Variants in TOMM70 observed in about 807,000 individuals in gnomAD.
TOMM70 encodes translocase of outer mitochondrial membrane 70, also known as mitochondrial import receptor subunit TOM70.
TOMM70 carries 13 observed loss-of-function variants against 73.6 expected under a neutral mutation model. That is an observed-to-expected ratio of 0.18 (90% CI 0.11 to 0.28). The LOEUF is 0.28. TOMM70 is among the 10% of genes least tolerant of loss of function. The pLI is 1.00. For synonymous variants in TOMM70, 257 were observed against 271.2 expected, an observed-to-expected ratio of 0.95 and a Z score of 0.51; for missense variants, 609 against 747.5, an observed-to-expected ratio of 0.81 and a Z score of 2.16.
chr3:100,373,890 T>C (rs1706536084), intron 7 of TOMM70, among the ~76,000 whole-genome samples: 1 of 152,198 alleles, frequency 6.6e-6, no homozygotes, highest in Admixed American at 6.5e-5. Context: ...GCAATTCTGA[T>C]CACTATTAAG....
chr3:100,385,892 A>G (rs1322319233), intron 3 of TOMM70, among the ~76,000 whole-genome samples: 4 of 152,200 alleles, frequency 2.6e-5, no homozygotes, highest in African/African-American at 9.6e-5. Flanking sequence ...AATATGTAGA[A>G]CCTTAGAAAC....
At chr3:100,368,018 A>G (rs1706465434) in intron 11 of TOMM70, 26 bp downstream of exon 11, 2 of 1,606,484 alleles carry the variant, frequency 1.2e-6, no homozygotes, top group Non-Finnish European at 8.5e-7. Context: ...GCTACCATAT[A>G]TTTCCTAACA....
intron 1 of TOMM70, among the ~76,000 whole-genome samples, chr3:100,397,509 G>A (rs991012429): frequency 2.6e-5 from 4 of 152,054 alleles, no homozygotes; most frequent in Non-Finnish European, 5.9e-5. Context: ...TTTTATTTGG[G>A]GCCAAAAATA....
intron 9 of TOMM70, among the ~76,000 whole-genome samples, chr3:100,370,318 T>A (rs1281470724): frequency 6.6e-6 from 1 of 152,210 alleles, no homozygotes; most frequent in Non-Finnish European, 1.5e-5. Context: ...CAGTGCTGTA[T>A]CTTGCTTTGT....
At chr3:100,387,028 C>G in intron 1 of TOMM70, 50 bp from the exon 2 acceptor site, 3 of 1,564,758 alleles carry the variant, frequency 1.9e-6, no homozygotes. Context: ...TTCACAGACT[C>G]AGACCACAGT....
Position 100,400,881 on chromosome 3 carries a change from C to G in TOMM70, c.69G>C (p.Val23=). ...CCGGGCCCGCAGTCCCGCCGCCGCC[C>G]ACCCCACTCCCGGAGCTCGGTACAG... is the stretch of plus-strand genomic sequence containing the variant. The part of the protein sequence containing the change: ...AAAVPSSGSG[V]GGGGTAGPGT... Residue 23 remains valine, a synonymous_variant, in exon 1 of 12, where the codon GTG becomes GTC. Coordinates refer to ENST00000284320, the MANE Select transcript of TOMM70 (RefSeq NM_014820.5). 6.5e-7 allele frequency: 1 copy of G among 1,529,444 alleles called. No homozygotes were observed. The highest frequency in any genetic ancestry group is 8.7e-7 in the Non-Finnish European group (1 of 1,145,028). 94.7% of individuals were successfully genotyped at this position (1,529,444 alleles called of 1,614,324 possible).
chr3:100,369,141 TGA>T lies in TOMM70; in HGVS notation c.1453-8_1453-7del, dbSNP rs1230448415. The T allele has an allele frequency of 1.9e-6, 3 of 1,594,848 alleles. No individual in the cohort carries two copies. Among genetic ancestry groups the T allele is most frequent in the African/African-American group, 1.3e-5 (1 of 74,612 alleles). ...TGTTGTTGATCTGTTAATGCCTATG[TGA>T]GGAGATACTTCAGTTATATTAAGGT... On this transcript the variant is annotated splice_region_variant and splice_polypyrimidine_tract_variant and intron_variant, in intron 9 of 11. Coordinates refer to ENST00000284320, the MANE Select transcript of TOMM70 (RefSeq NM_014820.5).
chr3:100,388,798 T>C (rs1474637943), intron 1 of TOMM70, among the ~76,000 whole-genome samples: 1 of 152,108 alleles, frequency 6.6e-6, no homozygotes, highest in African/African-American at 2.4e-5. Context: ...AGAGCACTAA[T>C]TAGAAATCTT....
chr3:100,395,422 G>C (rs1706814711), intron 1 of TOMM70, among the ~76,000 whole-genome samples: 2 of 151,184 alleles, frequency 1.3e-5, no homozygotes, highest in Admixed American at 6.6e-5. Context: ...ACCAGGCATG[G>C]TGGCGAGCTA....
At chr3:100,390,669 A>G (rs996515392) in intron 1 of TOMM70, among the ~76,000 whole-genome samples, 3 of 152,160 alleles carry the variant, frequency 2.0e-5, no homozygotes, top group Non-Finnish European at 4.4e-5. Flanking sequence ...TCCACTAAAA[A>G]TACAAAACAA....
intron 3 of TOMM70, among the ~76,000 whole-genome samples, chr3:100,384,798 G>A (rs1706671894): frequency 6.6e-6 from 1 of 152,060 alleles, no homozygotes; most frequent in East Asian, 1.9e-4. Context: ...CTTCTCTGGG[G>A]TTTGCTTTCC....
At chr3:100,376,866 T>C (rs113253915) in intron 6 of TOMM70, among the ~76,000 whole-genome samples, 1 of 152,150 alleles carries the variant, frequency 6.6e-6, no homozygotes, top group East Asian at 1.9e-4. Context: ...AATAATAACA[T>C]CCTCCACAAT....
In TOMM70 at chr3:100,400,660, C is replaced by A. The variant is rs138698299; in HGVS notation, c.290G>T (p.Gly97Val). Reference protein sequence around the residue: ...EGRASPAPGSGHPEGPGAHLD... With the variant: ...EGRASPAPGSVHPEGPGAHLD... ...GTGAGCACCGGGACCTTCAGGGTGT[C>A]CGCTGCCCGGGGCCGGACTGGCCCT... Residue 97 changes from glycine (G) to valine (V), a missense_variant, in exon 1 of 12, where the codon GGA becomes GTA. Physicochemically the swap from Gly to Val is moderately radical, Grantham distance 109 (BLOSUM62 -3). Coordinates refer to ENST00000284320, the MANE Select transcript of TOMM70 (RefSeq NM_014820.5). 609 of 1,612,438 alleles carry A rather than the reference C, an allele frequency of 3.8e-4. No individual in the cohort carries two copies. The highest frequency in any genetic ancestry group is 9.9e-4 in the Middle Eastern group (6 of 6,042).
Position 100,391,505 on chromosome 3 carries a change from TA to T in TOMM70, c.325-4528del, listed in dbSNP as rs869116056. Among the ~76,000 whole-genome samples the T allele has an allele frequency of 4.3e-3, 645 of 151,748 alleles. 3 individuals carry two copies. The highest frequency in any genetic ancestry group is 7.9e-3 in the South Asian group (38 of 4,812). ...TTTTTAACAAAGAAGTTTAAAAGTT[TA>T]AAAAAAAAAATTTTTTTAATAAGAC... On this transcript the variant is annotated intron_variant, in intron 1 of 11. Transcript: ENST00000284320.
At position 100,367,924 on chromosome 3, in the gene TOMM70, G is replaced by A. The variant is rs945278209; in HGVS notation, c.1673+120C>T. 46 of 1,086,200 alleles carry A rather than the reference G, an allele frequency of 4.2e-5. No homozygotes were observed. The African/African-American group carries it at 5.6e-4, about 13-fold the overall frequency. The allele number at this position is 1,086,200 out of a possible 1,614,324, so 67.3% of individuals were successfully genotyped here. A position where few individuals can be genotyped will look rare whatever the true frequency, so the allele number is the denominator to read the frequency against. On this transcript the variant is annotated intron_variant, in intron 11 of 11. Coordinates refer to ENST00000284320, the MANE Select transcript of TOMM70 (RefSeq NM_014820.5). Reference sequence around the variant, plus strand: ...GCCTTAGCACATTTTTTTTTCCAACGTGAATAATACAGGTGAAAAGAGGAA... The same window carrying A: ...GCCTTAGCACATTTTTTTTTCCAACATGAATAATACAGGTGAAAAGAGGAA...
rs1260762776 is a variant in TOMM70, at chr3:100,368,183, AT to A, written c.1551-18del. The A allele has an allele frequency of 1.9e-6, 3 of 1,609,468 alleles. No homozygotes were observed. The African/African-American group carries it at 4.0e-5, about 22-fold the overall frequency. ...TGAAGTAAACTGCAAATGCAAAAAAATGTCAGATGTGACCATGGCCCAGTAT... is the reference window on the plus strand; with the variant it reads ...TGAAGTAAACTGCAAATGCAAAAAAAGTCAGATGTGACCATGGCCCAGTAT... On this transcript the variant is annotated intron_variant, in intron 10 of 11. Coordinates refer to ENST00000284320, the MANE Select transcript of TOMM70 (RefSeq NM_014820.5).
intron 1 of TOMM70, among the ~76,000 whole-genome samples, chr3:100,389,667 GAT>G (rs1419003549): frequency 6.6e-6 from 1 of 152,180 alleles, no homozygotes; most frequent in Non-Finnish European, 1.5e-5. Context: ...ATGATGTCCA[GAT>G]AGTTTTACTG....
chr3:100,385,220 C>T (rs1043452293), intron 3 of TOMM70, among the ~76,000 whole-genome samples: 6 of 152,236 alleles, frequency 3.9e-5, no homozygotes, highest in African/African-American at 7.2e-5. Context: ...CCACGGCTAG[C>T]GCCAATGTCA....
chr3:100,378,276 G>T (rs919132880), intron 5 of TOMM70, among the ~76,000 whole-genome samples: 1 of 151,362 alleles, frequency 6.6e-6, no homozygotes, highest in African/African-American at 2.4e-5. Context: ...AGAAAAGAAA[G>T]AATTCAATGT....
Sources: allele counts gnomAD v4.1 joint callset (sites outside exome capture counted in the v4.1 genomes callset), GRCh38; gene constraint gnomAD v4.1.1; transcripts MANE v1.5; gene names NCBI Gene and HGNC (gene_info 2026-07-23, HGNC 2026-07-21).